FRMPD3: variants seen among roughly 807,000 people sequenced by gnomAD.
FRMPD3 encodes FERM and PDZ domain-containing protein 3.
In FRMPD3, 42 loss-of-function variants were observed where a neutral mutation model predicts 97.9. The observed-to-expected ratio is 0.43, with a 90% CI of 0.34 to 0.55. The LOEUF (loss-of-function observed/expected upper bound fraction) is 0.55, where lower values mean the gene tolerates loss of function less well. Ranked by LOEUF, FRMPD3 falls within the 20% of genes least tolerant of loss-of-function variation. The pLI, the probability that FRMPD3 is intolerant of heterozygous loss-of-function variation, is 0.03. For missense variants in FRMPD3, 1,303 were observed against 1,457.7 expected (o/e 0.89, Z 1.73); for synonymous variants, 577 against 581.1 (o/e 0.99, Z 0.10).
intron 1 of FRMPD3, among the ~76,000 whole-genome samples, chrX:107,454,059 G>A (rs962745467): frequency 2.7e-5 from 3 of 112,005 alleles, no homozygotes; most frequent in African/African-American, 9.7e-5. Flanking sequence ...GCCGTAGCCA[G>A]TGTTTTTGCT....
At chrX:107,520,410 C>T (rs1291985623) in intron 1 of FRMPD3, among the ~76,000 whole-genome samples, 1 of 109,743 alleles carries the variant, frequency 9.1e-6, no homozygotes, top group African/African-American at 3.3e-5. Flanking sequence ...GAGGCTGAGG[C>T]TGGCAGATCA....
intron 1 of FRMPD3, among the ~76,000 whole-genome samples, chrX:107,494,024 G>A (rs776473565): frequency 1.8e-5 from 2 of 110,851 alleles, no homozygotes; most frequent in East Asian, 2.8e-4. Context: ...AGGATCATCC[G>A]TTCAGAGTGC....
intron 4 of FRMPD3, 147 bp downstream of exon 4, chrX:107,533,697 C>A: frequency 2.0e-6 from 1 of 505,346 alleles, no homozygotes; most frequent in Non-Finnish European, 3.4e-6. Flanking sequence ...TTAAAGAATA[C>A]CTTCTGAACA....
At position 107,603,229 on chromosome X, in the gene FRMPD3, A is replaced by ACAG. The variant is rs201186557; in HGVS notation, c.5199_5201dup (p.Gln1743dup). On this transcript the variant is annotated inframe_insertion, in exon 15 of 15. Transcript: ENST00000683843. ...AACAACAGCAGCAGCAGCAACAACA[A>ACAG]CAGCAGCAGCAACAACAACAGCAGC... 4 of 1,167,550 alleles carry ACAG rather than the reference A, an allele frequency of 3.4e-6. No individual in the cohort carries two copies. The highest frequency in any genetic ancestry group is 3.4e-6 in the Non-Finnish European group (3 of 873,319).
intron 1 of FRMPD3, among the ~76,000 whole-genome samples, chrX:107,509,584 A>G (rs1296252498): frequency 3.6e-5 from 4 of 111,307 alleles, no homozygotes; most frequent in African/African-American, 1.3e-4. Context: ...AGTGACTTAA[A>G]CACCTAGAGG....
At position 107,500,101 on chromosome X, in the gene FRMPD3, T is replaced by C. The variant is rs1343963105; in HGVS notation, c.-7-26481T>C. Among the ~76,000 whole-genome samples, 3 of 112,039 alleles carry C rather than the reference T, an allele frequency of 2.7e-5. No individual in the cohort carries two copies. The East Asian group carries it at 8.4e-4, about 31-fold the overall frequency. On this transcript the variant is annotated intron_variant, in intron 1 of 14. Coordinates refer to ENST00000683843, the MANE Select transcript of FRMPD3 (RefSeq NM_001388459.1). ...TGTCCCATTTTCCTCTTTATTATTC[T>C]TTTAATAAAAACGGCAACACAACAG...
Position 107,560,797 on chromosome X carries a change from A to G in FRMPD3, c.970A>G (p.Lys324Glu), listed in dbSNP as rs1922327591. The G allele has an allele frequency of 8.4e-7, 1 of 1,187,658 alleles. No homozygotes were observed. The highest frequency in any genetic ancestry group is 1.8e-5 in the African/African-American group (1 of 56,482). The change falls in exon 10 of 15, where the codon AAA (lysine) becomes GAA (glutamate). Residue 324 changes from lysine to glutamate, a missense_variant. Coordinates refer to ENST00000683843, the MANE Select transcript of FRMPD3 (RefSeq NM_001388459.1). ...GGTCATCAAAGAGAAGAACCTCCGG[A>G]AATCTCTCTCTCAGCAACTGAAGGC... ...LQVIKEKNLR[K>E]SLSQQLKAHQ...
At chrX:107,493,496 T>C (rs1300144453) in intron 1 of FRMPD3, among the ~76,000 whole-genome samples, 1 of 112,076 alleles carries the variant, frequency 8.9e-6, no homozygotes, top group East Asian at 2.8e-4. Flanking sequence ...GATCTCCTGC[T>C]GTAGAACATT....
chrX:107,491,000 G>A (rs1921643097), intron 1 of FRMPD3, among the ~76,000 whole-genome samples: 1 of 111,723 alleles, frequency 9.0e-6, no homozygotes, highest in Non-Finnish European at 1.9e-5. Flanking sequence ...TCCTCACAGC[G>A]GTGAGGTAGA....
chrX:107,602,145 G>T lies in FRMPD3; in HGVS notation c.4106G>T (p.Gly1369Val). The change falls in exon 15 of 15, where the codon GGT (glycine) becomes GTT (valine). Residue 1369 changes from glycine (G) to valine (V), a missense_variant. Physicochemically the swap from Gly to Val is moderately radical, Grantham distance 109 (BLOSUM62 -3). Transcript: ENST00000683843. ...GAGTGCCGATCGGACCCTGAGAGTGGTGTTTCGTGCCTGACCACGTGTGCC... is the reference window on the plus strand; with the variant it reads ...GAGTGCCGATCGGACCCTGAGAGTGTTGTTTCGTGCCTGACCACGTGTGCC... ...SRECRSDPES[G>V]VSCLTTCASG... 8.3e-7 allele frequency: 1 copy of T among 1,211,117 alleles called. No individual in the cohort carries two copies.
intron 14 of FRMPD3, among the ~76,000 whole-genome samples, chrX:107,598,528 C>T (rs1328430186): frequency 8.9e-6 from 1 of 111,971 alleles, no homozygotes; most frequent in African/African-American, 3.2e-5. Flanking sequence ...ACGACCAACT[C>T]ACTACCTAGT....
intron 1 of FRMPD3, among the ~76,000 whole-genome samples, chrX:107,469,886 C>G (rs1405985928): frequency 8.9e-6 from 1 of 111,972 alleles, no homozygotes; most frequent in Non-Finnish European, 1.9e-5. Flanking sequence ...ATATTTGGGT[C>G]AAAGTTTGAT....
At chrX:107,455,200 A>G (rs1931354787) in intron 1 of FRMPD3, among the ~76,000 whole-genome samples, 1 of 111,231 alleles carries the variant, frequency 9.0e-6, no homozygotes, top group African/African-American at 3.3e-5. Context: ...CCTCTGTGAA[A>G]TCTTCTCTGA....
At chrX:107,453,018 T>C (rs1931316609) in intron 1 of FRMPD3, among the ~76,000 whole-genome samples, 1 of 110,453 alleles carries the variant, frequency 9.1e-6, no homozygotes, top group African/African-American at 3.3e-5. Context: ...CATGGGTGGA[T>C]GCAGGACAAC....
At chrX:107,468,148 GGGT>G (rs770066843) in intron 1 of FRMPD3, among the ~76,000 whole-genome samples, 248 of 111,558 alleles carry the variant, frequency 2.2e-3, no homozygotes, top group African/African-American at 7.7e-3. Context: ...TATTAAGGCA[GGGT>G]GGTGTGGTTA....
chrX:107,539,090 T>C (rs189029186), intron 4 of FRMPD3, among the ~76,000 whole-genome samples: 11 of 112,594 alleles, frequency 9.8e-5, no homozygotes, highest in African/African-American at 2.3e-4. Flanking sequence ...ATATTGATAC[T>C]TGGGCTCTTG....
chrX:107,552,709 G>C, intron 6 of FRMPD3, 86 bp from the exon 7 acceptor site: 1 of 1,049,224 alleles, frequency 9.5e-7, no homozygotes, highest in South Asian at 2.2e-5. Flanking sequence ...TTTTCTTGGT[G>C]TTTAATCCCC....
At chrX:107,565,138 G>A in intron 12 of FRMPD3, 72 bp downstream of exon 12, 1 of 990,793 alleles carries the variant, frequency 1.0e-6, no homozygotes, top group Admixed American at 3.5e-5. Flanking sequence ...GTAAACTTGA[G>A]AAAGAGAATT....
At position 107,501,768 on chromosome X, in the gene FRMPD3, G is replaced by T. The variant is rs186032415; in HGVS notation, c.-7-24814G>T. On this transcript the variant is annotated intron_variant, in intron 1 of 14. Transcript: ENST00000683843. ...AGTGCAGAAGATGAATGACATAAGCGTGTGGGGTGCCATGGGAATGAGCTG... is the reference window on the plus strand; with the variant it reads ...AGTGCAGAAGATGAATGACATAAGCTTGTGGGGTGCCATGGGAATGAGCTG... Among the ~76,000 whole-genome samples the T allele has an allele frequency of 5.6e-3, 600 of 107,329 alleles. 2 individuals are homozygous for T. The highest frequency in any genetic ancestry group is 7.3e-3 in the Non-Finnish European group (378 of 52,003). The allele number at this position is 107,329 out of a possible 115,157, so 93.2% of individuals were successfully genotyped here.
Sources: allele counts gnomAD v4.1 joint callset (sites outside exome capture counted in the v4.1 genomes callset), GRCh38; gene constraint gnomAD v4.1.1; transcripts MANE v1.5; gene names NCBI Gene and HGNC (gene_info 2026-07-23, HGNC 2026-07-21).